Variants in COL4A5 observed in about 807,000 individuals in gnomAD.
COL4A5 encodes the protein collagen alpha-5(IV) chain.
COL4A5 carries 26 observed loss-of-function variants against 130.2 expected under a neutral mutation model. The observed-to-expected ratio is 0.20, with a 90% confidence interval of 0.15 to 0.28. The LOEUF is 0.28. COL4A5 is among the 10% of genes least tolerant of loss of function. The probability of loss-of-function intolerance (pLI) is 1.00; values close to 1 mark genes in which losing one functional copy is unlikely to be tolerated. For synonymous variants in COL4A5, 496 were observed against 439.6 expected, an observed-to-expected ratio of 1.13 and a Z score of -1.60; for missense variants, 1,131 against 1,344.3, an observed-to-expected ratio of 0.84 and a Z score of 2.48.
At chrX:108,670,291 T>C in intron 42 of COL4A5, 55 bp downstream of exon 42, 1 of 1,199,867 alleles carries the variant, frequency 8.3e-7, no homozygotes, top group Non-Finnish European at 1.1e-6. Context: ...CTTATATACC[T>C]GTACCAAATG....
At chrX:108,530,480 ATC>A (rs1451950920) in intron 1 of COL4A5, among the ~76,000 whole-genome samples, 1 of 107,663 alleles carries the variant, frequency 9.3e-6, no homozygotes, top group African/African-American at 3.4e-5. Context: ...AATATACAGA[ATC>A]TACAATGAAC....
chrX:108,526,595 CCTTT>C (rs1166494631), intron 1 of COL4A5, among the ~76,000 whole-genome samples: 4,955 of 32,954 alleles, frequency 0.15, 520 homozygotes, highest in Middle Eastern at 0.23. Flanking sequence ...CTCCCTCCCT[CCTTT>C]CTTTCTTTCT....
chrX:108,676,388 CAAGT>C (rs769857574), intron 43 of COL4A5, among the ~76,000 whole-genome samples: 2 of 111,607 alleles, frequency 1.8e-5, no homozygotes, highest in East Asian at 5.7e-4. Flanking sequence ...ACTCTGCAAG[CAAGT>C]AACACCTATT....
At chrX:108,530,054 A>G (rs913317493) in intron 1 of COL4A5, among the ~76,000 whole-genome samples, 3 of 111,506 alleles carry the variant, frequency 2.7e-5, no homozygotes, top group Non-Finnish European at 5.7e-5. Flanking sequence ...GACCCAATAA[A>G]CCTAACAGAC....
intron 1 of COL4A5, among the ~76,000 whole-genome samples, chrX:108,517,884 T>C (rs1603262257): frequency 9.0e-6 from 1 of 111,270 alleles, no homozygotes; most frequent in Non-Finnish European, 1.9e-5. Context: ...GTTTGTCTTA[T>C]ACCATTTATC....
At position 108,573,640 on chromosome X, in the gene COL4A5, C is replaced by G; in HGVS notation, c.532C>G (p.Pro178Ala). ...GPKGNPGYPG[P>A]PGIQGLPGPT... ...AAAGGGTAATCCAGGATATCCAGGTCCTCCTGGAATACAAGTAAGTATCCA... is the reference window on the plus strand; with the variant it reads ...AAAGGGTAATCCAGGATATCCAGGTGCTCCTGGAATACAAGTAAGTATCCA... The change falls in exon 9 of 53, where the codon CCT becomes GCT. Residue 178 changes from proline to alanine, a missense_variant. By Grantham distance (27) the Pro-to-Ala change is conservative (BLOSUM62 -1). Coordinates refer to ENST00000328300, the MANE Select transcript of COL4A5 (RefSeq NM_033380.3). The G allele has an allele frequency of 8.4e-7, 1 of 1,188,862 alleles. No individual in the cohort carries two copies. Among genetic ancestry groups the G allele is most frequent in the South Asian group, 1.8e-5 (1 of 56,453 alleles).
chrX:108,604,567 G>A (rs747785146), intron 28 of COL4A5, among the ~76,000 whole-genome samples: 21 of 111,771 alleles, frequency 1.9e-4, no homozygotes, highest in Admixed American at 7.6e-4. Context: ...ACCATAATTC[G>A]TAAGGCCCTA....
intron 30 of COL4A5, among the ~76,000 whole-genome samples, chrX:108,619,214 T>C (rs28392623): frequency 0.25 from 27,333 of 110,965 alleles, 2,820 homozygotes; most frequent in East Asian, 0.57. Context: ...TTTAGGGCCA[T>C]GCTGAAATAT....
At chrX:108,644,919 C>CAAAAAAAA (rs778790757) in intron 36 of COL4A5, among the ~76,000 whole-genome samples, 2 of 47,530 alleles carry the variant, frequency 4.2e-5, no homozygotes, top group Non-Finnish European at 5.2e-5. Context: ...ACAACAACAA[C>CAAAAAAAA]AAAAAAAAAA....
chrX:108,613,869 A>C (rs1305668286), intron 29 of COL4A5, among the ~76,000 whole-genome samples: 1 of 111,891 alleles, frequency 8.9e-6, no homozygotes, highest in Non-Finnish European at 1.9e-5. Context: ...ACTTTGAAAA[A>C]CAGTTTGACA....
chrX:108,478,411 A>G (rs927529522), intron 1 of COL4A5, among the ~76,000 whole-genome samples: 1 of 111,495 alleles, frequency 9.0e-6, no homozygotes, highest in Non-Finnish European at 1.9e-5. Flanking sequence ...GGTGATGGTG[A>G]GTGCTGCCAC....
At chrX:108,499,336 G>A (rs749642962) in intron 1 of COL4A5, among the ~76,000 whole-genome samples, 4 of 111,535 alleles carry the variant, frequency 3.6e-5, no homozygotes, top group African/African-American at 1.3e-4. Flanking sequence ...GCAAGATGTA[G>A]TATCCTTTTA....
At chrX:108,512,689 A>T (rs904618014) in intron 1 of COL4A5, among the ~76,000 whole-genome samples, 5 of 111,199 alleles carry the variant, frequency 4.5e-5, no homozygotes, top group African/African-American at 1.6e-4. Flanking sequence ...GGTCACAGAG[A>T]TCACGTACTT....
chrX:108,605,305 T>C (rs1207724743), intron 28 of COL4A5, among the ~76,000 whole-genome samples: 3 of 111,713 alleles, frequency 2.7e-5, no homozygotes, highest in Non-Finnish European at 1.9e-5. Flanking sequence ...GTGTTATTAA[T>C]TGGCCTAATT....
rs1180353908 is a variant in COL4A5 at position 108,539,811 on chromosome X, G to A, written c.141+6G>A. 1.1e-5 allele frequency: 13 copies of A among 1,191,713 alleles called. No homozygotes were observed. Among genetic ancestry groups the A allele is most frequent in the Non-Finnish European group, 1.5e-5 (13 of 879,031 alleles). On this transcript the variant is annotated splice_donor_region_variant and intron_variant, in intron 2 of 52. Transcript: ENST00000328300. ...GTGGCATAAAAGGGGAAAAGGTGAGGTCTTAGATTGGCATTTGAAAATTTA... is the reference window on the plus strand; with the variant it reads ...GTGGCATAAAAGGGGAAAAGGTGAGATCTTAGATTGGCATTTGAAAATTTA...
chrX:108,625,879 T>C, intron 35 of COL4A5, 85 bp downstream of exon 35: 1 of 697,391 alleles, frequency 1.4e-6, no homozygotes, highest in Non-Finnish European at 2.3e-6. Context: ...AAGAGGCTGG[T>C]GTTGATAGAA....
chrX:108,650,568 A>G (rs991101712), intron 36 of COL4A5, among the ~76,000 whole-genome samples: 5 of 111,954 alleles, frequency 4.5e-5, no homozygotes, highest in African/African-American at 1.3e-4. Context: ...TGGTATATAT[A>G]CATATATACA....
intron 47 of COL4A5, among the ~76,000 whole-genome samples, chrX:108,684,729 G>A (rs188482543): frequency 1.3e-3 from 149 of 112,499 alleles, no homozygotes; most frequent in African/African-American, 4.3e-3. Context: ...TAGAAAAAGA[G>A]GGACTCCTCC....
Position 108,681,795 on chromosome X carries a change from A to G in COL4A5, c.4123A>G (p.Ile1375Val). 8.3e-7 allele frequency: 1 copy of G among 1,208,717 alleles called. No homozygotes were observed. Among genetic ancestry groups the G allele is most frequent in the South Asian group, 1.8e-5 (1 of 56,903 alleles). The change falls in exon 47 of 53, where the codon ATC becomes GTC. Residue 1375 changes from isoleucine (I) to valine (V), a missense_variant. By Grantham distance (29) the Ile-to-Val change is conservative (BLOSUM62 3). Coordinates refer to ENST00000328300, the MANE Select transcript of COL4A5 (RefSeq NM_033380.3). ...ATTACCTGGTCCTTCAGGACAGAGT[A>G]TCATAATTAAAGGAGATGCTGGTCC... Reference protein sequence around the residue: ...PGLPGPSGQSIIIKGDAGPPG... With the variant: ...PGLPGPSGQSVIIKGDAGPPG...
Sources: allele counts gnomAD v4.1 joint callset (sites outside exome capture counted in the v4.1 genomes callset), GRCh38; gene constraint gnomAD v4.1.1; transcripts MANE v1.5; gene names NCBI Gene and HGNC (gene_info 2026-07-23, HGNC 2026-07-21).